Variants in EPHB4 observed in about 807,000 individuals in gnomAD.
EPHB4 encodes EPH receptor B4, also known as ephrin type-B receptor 4.
Under a neutral mutation model 110.6 loss-of-function variants are expected in EPHB4, and 50 were observed. That is an observed-to-expected ratio of 0.45 (90% confidence interval 0.36 to 0.57). The LOEUF is 0.57. Ranked by LOEUF, EPHB4 falls within the 20% of genes least tolerant of loss-of-function variation. The pLI is 0.00. For missense variants in EPHB4, 1,128 were observed against 1,382.1 expected (o/e 0.82, Z 2.91); for synonymous variants, 592 against 578.4 (o/e 1.02, Z -0.34).
At chr7:100,811,193 G>A (rs551183099) in intron 12 of EPHB4, among the ~76,000 whole-genome samples, 4 of 151,418 alleles carry the variant, frequency 2.6e-5, no homozygotes, top group South Asian at 4.2e-4. Context: ...TGGACGTTGC[G>A]GTGAGCCAAG....
At chr7:100,826,863 G>C in intron 1 of EPHB4, 116 bp downstream of exon 1, 1 of 1,205,962 alleles carries the variant, frequency 8.3e-7, no homozygotes, top group Non-Finnish European at 1.1e-6. Context: ...AAGTGTTTGG[G>C]ACTGCAGTGC....
chr7:100,805,372 G>A, intron 15 of EPHB4, 51 bp from the exon 16 acceptor site: 13 of 1,608,568 alleles, frequency 8.1e-6, no homozygotes, highest in Non-Finnish European at 1.1e-5. Flanking sequence ...CAGGTCCGGG[G>A]GAGGAGGTGG....
intron 2 of EPHB4, 104 bp downstream of exon 2, chr7:100,824,099 G>T: frequency 6.5e-7 from 1 of 1,548,794 alleles, no homozygotes. Context: ...GCTGTCATCT[G>T]GGGGGACAGG....
intron 7 of EPHB4, 65 bp from the exon 8 acceptor site, chr7:100,817,422 C>G (rs1230932641): frequency 5.4e-6 from 8 of 1,474,804 alleles, no homozygotes; most frequent in African/African-American, 1.4e-5. Flanking sequence ...CTCTTCCTGC[C>G]TCCTTCCCTC....
rs147563837 is a variant in EPHB4 at position 100,822,388 on chromosome 7, G to A, written c.691C>T (p.Pro231Ser). ...CAGTAGAGGCTGGGGCTGGGGCCAG[G>A]GGCGGGGACGGCATCCACCACGCAG... ...GSCVVDAVPA[P>S]GPSPSLYCRE... The change falls in exon 4 of 17, where the codon CCT (proline) becomes TCT (serine). Residue 231 changes from proline (P) to serine (S), a missense_variant. Coordinates refer to ENST00000358173, the MANE Select transcript of EPHB4 (RefSeq NM_004444.5). The surrounding 1 kb of genome is among the most constrained non-coding windows in gnomAD (Gnocchi z 4.7). The A allele has an allele frequency of 1.1e-3, 1,700 of 1,570,698 alleles. 2 individuals are homozygous for A. Among genetic ancestry groups the A allele is most frequent in the Non-Finnish European group, 1.2e-3 (1,442 of 1,156,596 alleles).
Position 100,819,834 on chromosome 7 carries a change from G to C in EPHB4, c.1020C>G (p.His340Gln), listed in dbSNP as rs771125758. 1 of 1,556,070 alleles carries C rather than the reference G, an allele frequency of 6.4e-7. No homozygotes were observed. The highest frequency in any genetic ancestry group is 1.2e-5 in the South Asian group (1 of 85,104). The change falls in exon 6 of 17, where the codon CAC (histidine) becomes CAG (glutamine). Residue 340 changes from histidine to glutamine, a missense_variant. His to Gln is a conservative substitution (Grantham distance 24). Transcript: ENST00000358173. ...ACTCCAGGGGGGCACTCCATTCCAG[G>C]TGCAGGGAGGAGCCGTTCAGGCGGG... ...VVSRLNGSSL[H>Q]LEWSAPLESG...
rs138656609 is a variant in EPHB4, at chr7:100,823,854, C to A, written c.201G>T (p.Pro67=). Residue 67 remains proline, a synonymous_variant, in exon 3 of 17, where the codon CCG becomes CCT. Coordinates refer to ENST00000358173, the MANE Select transcript of EPHB4 (RefSeq NM_004444.5). ...CTGTGCGAAGCCAGTGGGCCTGGCC[C>A]GGGGCACGCTGCACGTCACACACTT... ...TYEVCDVQRA[P]GQAHWLRTGW... 3.7e-6 allele frequency: 6 copies of A among 1,612,572 alleles called. No individual in the cohort carries two copies. The Admixed American group carries it at 8.3e-5, about 22-fold the overall frequency.
chr7:100,806,622 G>A (rs1812823235), intron 13 of EPHB4, 53 bp from the exon 14 acceptor site: 1 of 1,565,512 alleles, frequency 6.4e-7, no homozygotes. Context: ...GGACTCACCA[G>A]ACCCAGCACA....
chr7:100,826,614 T>A (rs1010580573), intron 1 of EPHB4, among the ~76,000 whole-genome samples: 2 of 152,024 alleles, frequency 1.3e-5, no homozygotes, highest in African/African-American at 2.4e-5. Flanking sequence ...CCTTCCCTCA[T>A]GTACGGCGGG....
chr7:100,813,994 G>A lies in EPHB4; in HGVS notation c.1616C>T (p.Ala539Val). 6.2e-7 allele frequency: 1 copy of A among 1,614,152 alleles called. No homozygotes were observed. The highest frequency in any genetic ancestry group is 8.5e-7 in the Non-Finnish European group (1 of 1,180,020). ...DESEGWREQL[A>V]LIAGTAVVGV... ...CACGACTGCCGTGCCCGCAATCAGG[G>A]CCAGCTGCTCCCGCCAGCCCTCGCT... The change falls in exon 9 of 17, where the codon GCC (alanine) becomes GTC (valine). Residue 539 changes from alanine (A) to valine (V), a missense_variant. Coordinates refer to ENST00000358173, the MANE Select transcript of EPHB4 (RefSeq NM_004444.5).
Position 100,819,639 on chromosome 7 carries a change from C to T in EPHB4, c.1215G>A (p.Glu405=). ...GLRPDFTYTF[E]VTALNGVSSL... ...AGGATACCCCGTTCAATGCAGTGAC[C>T]TCAAAGGTATAGGTGAAGTCAGGAC... is the stretch of plus-strand genomic sequence containing the variant. Residue 405 remains glutamate, a synonymous_variant, in exon 6 of 17, where the codon GAG becomes GAA. Coordinates refer to ENST00000358173, the MANE Select transcript of EPHB4 (RefSeq NM_004444.5). 6.2e-7 allele frequency: 1 copy of T among 1,612,574 alleles called. No individual in the cohort carries two copies. Among genetic ancestry groups the T allele is most frequent in the East Asian group, 2.2e-5 (1 of 44,810 alleles).
intron 12 of EPHB4, among the ~76,000 whole-genome samples, chr7:100,808,797 T>G (rs539844504): frequency 1.3e-5 from 2 of 152,306 alleles, no homozygotes; most frequent in African/African-American, 4.8e-5. Flanking sequence ...ACCAGGGACA[T>G]AGACTCCAAA....
intron 7 of EPHB4, among the ~76,000 whole-genome samples, chr7:100,817,685 C>T (rs1435463676): frequency 6.6e-6 from 1 of 151,878 alleles, no homozygotes; most frequent in Non-Finnish European, 1.5e-5. Flanking sequence ...CCCGCCAACA[C>T]ACTCAGCTGA....
At position 100,813,366 on chromosome 7, in the gene EPHB4, A is replaced by C. The variant is rs1584658573; in HGVS notation, c.1757-158T>G. Reference sequence around the variant, plus strand: ...GTCTCGCTCTGTCACCCAGGCCTGGAGCGCAGTGGCGCGATCTTGGCTCAC... The same window carrying C: ...GTCTCGCTCTGTCACCCAGGCCTGGCGCGCAGTGGCGCGATCTTGGCTCAC... On this transcript the variant is annotated intron_variant, in intron 10 of 16. Transcript: ENST00000358173. The C allele has an allele frequency of 1.2e-5, 7 of 589,832 alleles. No homozygotes were observed. The South Asian group carries it at 1.4e-4, about 12-fold the overall frequency. 36.5% of individuals were successfully genotyped at this position (589,832 alleles called of 1,614,324 possible).
At chr7:100,824,153 T>C (rs1031934927) in intron 2 of EPHB4, 50 bp downstream of exon 2, 2 of 1,612,406 alleles carry the variant, frequency 1.2e-6, no homozygotes, top group African/African-American at 1.3e-5. Context: ...AGGCGCCCTC[T>C]CCTCCCTCAG....
At position 100,822,625 on chromosome 7, in the gene EPHB4, C is replaced by T; in HGVS notation, c.454G>A (p.Gly152Arg). The change falls in exon 4 of 17, where the codon GGG becomes AGG. Residue 152 changes from glycine (G) to arginine (R), a missense_variant. Gly to Arg is a moderately radical substitution (Grantham distance 125, BLOSUM62 -2). Around this residue, in one of 3 missense-constraint regions of EPHB4, gnomAD observed 728 missense variants for 828.6 expected, o/e 0.88. Transcript: ENST00000358173. This position sits in a 1 kb window ranked among gnomAD's most constrained non-coding sequence, Gnocchi z 4.7. The stretch of plus-strand genomic sequence containing the variant: ...TTCACCTTCCCGGTGGCCTCGGCCC[C>T]AGGGCGCTTCCGGGTGAGATGCTCC... ...AAEHLTRKRP[G>R]AEATGKVNVK... The T allele has an allele frequency of 6.3e-7, 1 of 1,597,824 alleles. No homozygotes were observed. The highest frequency in any genetic ancestry group is 8.5e-7 in the Non-Finnish European group (1 of 1,169,768).
intron 4 of EPHB4, 155 bp from the exon 5 acceptor site, chr7:100,820,451 C>T (rs576834272): frequency 2.0e-3 from 1,269 of 632,250 alleles, no homozygotes; most frequent in Non-Finnish European, 2.5e-3. Context: ...GGCAACATAT[C>T]GAGATCCCAT....
chr7:100,823,516 C>T, intron 3 of EPHB4, 128 bp downstream of exon 3: 1 of 1,250,560 alleles, frequency 8.0e-7, no homozygotes, highest in East Asian at 2.5e-5. Flanking sequence ...CAGACCTAAG[C>T]CTCCTGCTTC....
chr7:100,813,285 C>G (rs889034255), intron 10 of EPHB4, 77 bp from the exon 11 acceptor site: 5 of 1,140,476 alleles, frequency 4.4e-6, no homozygotes, highest in Non-Finnish European at 6.2e-6. Context: ...TAGCTTTTAG[C>G]CCCAAACCCC....
Sources: allele counts gnomAD v4.1 joint callset (sites outside exome capture counted in the v4.1 genomes callset), GRCh38; gene constraint gnomAD v4.1.1; regional missense constraint gnomAD v4.1.1; non-coding constraint Gnocchi (gnomAD v3.1); transcripts MANE v1.5; gene names NCBI Gene and HGNC (gene_info 2026-07-23, HGNC 2026-07-21).